The following SLC24A2 variants were observed in gnomAD, a reference collection of about 807,000 sequenced individuals.
SLC24A2 encodes solute carrier family 24 member 2, also known as sodium/potassium/calcium exchanger 2.
In SLC24A2, 36 loss-of-function variants were observed where a neutral mutation model predicts 62.0. The ratio of observed to expected loss-of-function variants is 0.58; its 90% CI spans 0.44 to 0.77. The LOEUF (loss-of-function observed/expected upper bound fraction) is 0.77. Among genes scored for constraint, SLC24A2 ranks in the 30% least tolerant of loss-of-function variants. The probability of loss-of-function intolerance (pLI) is 0.00; values close to 1 mark genes in which losing one functional copy is unlikely to be tolerated. For synonymous variants in SLC24A2, 358 were observed against 294.0 expected (o/e 1.22, Z -2.23); for missense variants, 846 against 817.9 (o/e 1.03, Z -0.42).
the SLC24A2 span, among the ~76,000 whole-genome samples, chr9:20,278,862 C>A: frequency 6.6e-6 from 1 of 152,176 alleles, no homozygotes; most frequent in African/African-American, 2.4e-5. Context: ...TTAGTCCATT[C>A]TCACACTGCT....
chr9:19,818,705 A>G, the SLC24A2 span, among the ~76,000 whole-genome samples: 5 of 152,190 alleles, frequency 3.3e-5, no homozygotes, highest in African/African-American at 1.2e-4. Context: ...AGATGACACA[A>G]ACAAATGGAA....
chr9:19,790,047 TA>T (rs1350948212), upstream of SLC24A2, among the ~76,000 whole-genome samples: 1 of 151,938 alleles, frequency 6.6e-6, no homozygotes, highest in Non-Finnish European at 1.5e-5. Flanking sequence ...AACTTAGAAA[TA>T]TTTTTCTTCC....
intron 2 of SLC24A2, among the ~76,000 whole-genome samples, chr9:19,659,083 T>C (rs1174544850): frequency 6.6e-6 from 1 of 152,128 alleles, no homozygotes; most frequent in African/African-American, 2.4e-5. Flanking sequence ...GCAGATGTAA[T>C]TAGTTAAGAT....
chr9:20,218,967 G>C, the SLC24A2 span, among the ~76,000 whole-genome samples: 1 of 152,152 alleles, frequency 6.6e-6, no homozygotes, highest in East Asian at 1.9e-4. Context: ...TATTGATGAA[G>C]TGCTGAGGGC....
intron 2 of SLC24A2, among the ~76,000 whole-genome samples, chr9:19,656,610 T>G (rs768340434): frequency 2.6e-5 from 4 of 152,200 alleles, no homozygotes; most frequent in Non-Finnish European, 5.9e-5. Context: ...TTCCTATGTT[T>G]TTATCCCCCA....
chr9:19,937,887 C>A, the SLC24A2 span, among the ~76,000 whole-genome samples: 1 of 152,130 alleles, frequency 6.6e-6, no homozygotes, highest in Non-Finnish European at 1.5e-5. Context: ...TAATATTGCA[C>A]AGAAAGTCAA....
the SLC24A2 span, among the ~76,000 whole-genome samples, chr9:20,279,455 C>G: frequency 6.6e-6 from 1 of 152,214 alleles, no homozygotes; most frequent in Non-Finnish European, 1.5e-5. Flanking sequence ...CACTTCAGCC[C>G]AGGAGGCGGA....
chr9:20,063,560 T>C, the SLC24A2 span, among the ~76,000 whole-genome samples: 1 of 151,734 alleles, frequency 6.6e-6, no homozygotes, highest in Non-Finnish European at 1.5e-5. Flanking sequence ...AGTTAGTGGG[T>C]GCAGCGCATC....
chr9:20,218,248 A>T, the SLC24A2 span, among the ~76,000 whole-genome samples: 1 of 152,176 alleles, frequency 6.6e-6, no homozygotes, highest in African/African-American at 2.4e-5. Flanking sequence ...CAAAATATTC[A>T]TGGGTTCTGT....
chr9:19,657,246 C>T (rs1262607545), intron 2 of SLC24A2, among the ~76,000 whole-genome samples: 1 of 152,178 alleles, frequency 6.6e-6, no homozygotes, highest in Non-Finnish European at 1.5e-5. Context: ...ACCTGGCACT[C>T]CATCGTCCAC....
At chr9:20,054,743 T>C in the SLC24A2 span, among the ~76,000 whole-genome samples, 3 of 152,328 alleles carry the variant, frequency 2.0e-5, no homozygotes, top group East Asian at 5.8e-4. Flanking sequence ...CCAATTGCAC[T>C]GCACAAAATA....
chr9:19,918,786 A>G, the SLC24A2 span, among the ~76,000 whole-genome samples: 2 of 152,218 alleles, frequency 1.3e-5, no homozygotes, highest in Non-Finnish European at 2.9e-5. Context: ...CCACATGACC[A>G]GCCAGATGCT....
At chr9:19,730,918 T>C (rs987806698) in intron 2 of SLC24A2, among the ~76,000 whole-genome samples, 3 of 151,774 alleles carry the variant, frequency 2.0e-5, no homozygotes, top group East Asian at 1.9e-4. Flanking sequence ...TTTTTGACAA[T>C]GGAAAAAAAG....
At chr9:19,633,976 T>C (rs1309706914) in intron 2 of SLC24A2, among the ~76,000 whole-genome samples, 2 of 152,214 alleles carry the variant, frequency 1.3e-5, no homozygotes, top group Non-Finnish European at 2.9e-5. Flanking sequence ...ATTTTCCTTT[T>C]ATGGATCAGT....
At chr9:19,997,326 C>A in the SLC24A2 span, among the ~76,000 whole-genome samples, 2 of 152,078 alleles carry the variant, frequency 1.3e-5, no homozygotes, top group Non-Finnish European at 2.9e-5. Context: ...AATTCCAGTA[C>A]CCATTTAAGC....
the SLC24A2 span, chr9:19,927,487 T>C: frequency 6.6e-6 from 1 of 152,208 alleles, no homozygotes; most frequent in Admixed American, 6.5e-5. Context: ...GATGATGAAT[T>C]TGGGCCTAGA....
At chr9:19,802,472 G>A in the SLC24A2 span, among the ~76,000 whole-genome samples, 1 of 152,182 alleles carries the variant, frequency 6.6e-6, no homozygotes, top group Non-Finnish European at 1.5e-5. Context: ...TAAATACAAT[G>A]AATAAGAATT....
the SLC24A2 span, among the ~76,000 whole-genome samples, chr9:19,915,261 G>A: frequency 6.6e-6 from 1 of 152,032 alleles, no homozygotes; most frequent in Admixed American, 6.6e-5. Context: ...ATGTATCAGC[G>A]CTTCGTTCTT....
At chr9:20,130,698 T>A in the SLC24A2 span, among the ~76,000 whole-genome samples, 2 of 152,122 alleles carry the variant, frequency 1.3e-5, no homozygotes, top group Non-Finnish European at 2.9e-5. Context: ...ATGATCTGAT[T>A]ACTATTTGAA....
Sources: gnomAD v4.1 joint callset for allele counts (sites outside exome capture counted in the v4.1 genomes callset) on GRCh38, gnomAD v4.1.1 for gene constraint, MANE v1.5 for transcripts, NCBI Gene and HGNC (gene_info 2026-07-23, HGNC 2026-07-21) for gene names.